Variants in SGPP2 observed in about 807,000 individuals in gnomAD.
SGPP2 encodes sphingosine-1-phosphate phosphatase 2, also known as sphingosine 1-phosphate phosphohydrolase 2.
In SGPP2, 30 loss-of-function variants were observed where a neutral mutation model predicts 33.9. The observed-to-expected ratio is 0.89, with a 90% CI of 0.66 to 1.20. The LOEUF (loss-of-function observed/expected upper bound fraction) is 1.20, where lower values mean the gene tolerates loss of function less well. Ranked by LOEUF, SGPP2 falls within the 50% of genes most tolerant of loss-of-function variation. The pLI, the probability that SGPP2 is intolerant of heterozygous loss-of-function variation, is 0.00. For synonymous variants in SGPP2, 233 were observed against 225.0 expected (o/e 1.04, Z -0.32); for missense variants, 458 against 532.1 (o/e 0.86, Z 1.37).
At chr2:222,536,680 C>T (rs955652429) in intron 4 of SGPP2, among the ~76,000 whole-genome samples, 5 of 149,860 alleles carry the variant, frequency 3.3e-5, no homozygotes, top group South Asian at 2.1e-4. Flanking sequence ...ACTCTGTCTC[C>T]AAAAAAAATA....
In SGPP2 at chr2:222,477,286, GGTGTGTATAT is replaced by G. The variant is rs1235923731; in HGVS notation, c.378+2571_378+2580del. 1.4e-5 allele frequency among the ~76,000 whole-genome samples: 2 copies of G among 146,358 alleles called. No homozygotes were observed. The highest frequency in any genetic ancestry group is 5.1e-5 in the African/African-American group (2 of 39,310). On this transcript the variant is annotated intron_variant, in intron 2 of 4. Transcript: ENST00000321276. This position sits in a 1 kb window ranked among gnomAD's most constrained non-coding sequence, Gnocchi z 6.0. ...ATAGGTGTATATGTATGTGTGTATGGGTGTGTATATGTGTGTATATAGGTGTGAGTATATA... is the reference window on the plus strand; with the variant it reads ...ATAGGTGTATATGTATGTGTGTATGGGTGTGTATATAGGTGTGAGTATATA...
In SGPP2 at chr2:222,559,248, G is replaced by A. The variant is rs1318971260; in HGVS notation, c.*350G>A. 1.2e-5 allele frequency: 3 copies of A among 247,654 alleles called. No individual in the cohort carries two copies. The highest frequency in any genetic ancestry group is 5.0e-5 in the Admixed American group (1 of 19,846). 15.3% of individuals were successfully genotyped at this position (247,654 alleles called of 1,614,324 possible). ...ATGGGCTGGCAGGAATTGTGGCCTG[G>A]CTTAGGAATAGCTATGAGCCCCACT... On this transcript the variant is annotated 3_prime_UTR_variant, in exon 5 of 5. Transcript: ENST00000321276.
At chr2:222,454,879 G>A (rs1283295996) in intron 1 of SGPP2, among the ~76,000 whole-genome samples, 1 of 152,138 alleles carries the variant, frequency 6.6e-6, no homozygotes, top group Admixed American at 6.6e-5. Flanking sequence ...TAACCAGAAT[G>A]TGTGCTAATG....
intron 1 of SGPP2, among the ~76,000 whole-genome samples, chr2:222,473,302 T>A (rs1697876899): frequency 6.6e-6 from 1 of 152,210 alleles, no homozygotes; most frequent in Non-Finnish European, 1.5e-5. Context: ...AGAATCTGAC[T>A]CCTTGCTTTC....
chr2:222,500,678 C>T (rs1283631307), intron 2 of SGPP2, among the ~76,000 whole-genome samples: 1 of 152,190 alleles, frequency 6.6e-6, no homozygotes, highest in Non-Finnish European at 1.5e-5. Flanking sequence ...GGCACCCTCA[C>T]TGAAAACTGG....
chr2:222,439,220 A>G (rs762703945), intron 1 of SGPP2, among the ~76,000 whole-genome samples: 3 of 152,062 alleles, frequency 2.0e-5, no homozygotes, highest in Non-Finnish European at 2.9e-5. Context: ...CTCCTTGGGG[A>G]AGGATGGGAG....
At chr2:222,442,550 ATTCATC>A (rs1333301475) in intron 1 of SGPP2, among the ~76,000 whole-genome samples, 1 of 152,108 alleles carries the variant, frequency 6.6e-6, no homozygotes, top group Non-Finnish European at 1.5e-5. Flanking sequence ...TAATTGTGTA[ATTCATC>A]TTCATGTCTG....
chr2:222,547,231 G>A (rs1689218338), intron 4 of SGPP2, among the ~76,000 whole-genome samples: 1 of 152,140 alleles, frequency 6.6e-6, no homozygotes, highest in Non-Finnish European at 1.5e-5. Context: ...TCGCTTGAAT[G>A]TTTGACAGTG....
At chr2:222,538,384 T>C (rs1698944856) in intron 4 of SGPP2, among the ~76,000 whole-genome samples, 1 of 152,030 alleles carries the variant, frequency 6.6e-6, no homozygotes, top group Admixed American at 6.6e-5. Flanking sequence ...TGTAGAGAAA[T>C]AAAAAATAAA....
chr2:222,514,508 T>C (rs958845447), intron 2 of SGPP2, among the ~76,000 whole-genome samples: 1 of 152,222 alleles, frequency 6.6e-6, no homozygotes, highest in Non-Finnish European at 1.5e-5. Context: ...GGCTAGTTCT[T>C]GATAAAGTTC....
At chr2:222,520,266 T>C (rs1698663046) in intron 2 of SGPP2, among the ~76,000 whole-genome samples, 1 of 152,176 alleles carries the variant, frequency 6.6e-6, no homozygotes. Flanking sequence ...CTCTGATGAT[T>C]TGTGATGCTG....
At chr2:222,489,655 T>C (rs982506856) in intron 2 of SGPP2, among the ~76,000 whole-genome samples, 1 of 152,100 alleles carries the variant, frequency 6.6e-6, no homozygotes, top group Non-Finnish European at 1.5e-5. Flanking sequence ...TCTTTAACAC[T>C]GAAAGGATTA....
chr2:222,432,209 C>A (rs1364730056), intron 1 of SGPP2, among the ~76,000 whole-genome samples: 2 of 152,114 alleles, frequency 1.3e-5, no homozygotes, highest in Non-Finnish European at 2.9e-5. Flanking sequence ...ATGGAGGGAG[C>A]CCAGTGGTGA....
At chr2:222,450,199 G>A (rs1352590427) in intron 1 of SGPP2, among the ~76,000 whole-genome samples, 2 of 152,136 alleles carry the variant, frequency 1.3e-5, no homozygotes, top group Non-Finnish European at 2.9e-5. Context: ...AGCACCCCAC[G>A]TTATTTACTA....
rs534675382 is a variant in SGPP2 at position 222,458,033 on chromosome 2, C to G, written c.220-16535C>G. On this transcript the variant is annotated intron_variant, in intron 1 of 4. Coordinates refer to ENST00000321276, the MANE Select transcript of SGPP2 (RefSeq NM_152386.4). ...CTAGGAGCCGATGACCATTAAGTGT[C>G]TCTTTGTGTTTTTTGTTTTGTTTTT... 3.9e-5 allele frequency among the ~76,000 whole-genome samples: 6 copies of G among 152,108 alleles called. No individual in the cohort carries two copies. In the South Asian group the frequency reaches 1.2e-3, roughly 32 times the overall value.
intron 2 of SGPP2, among the ~76,000 whole-genome samples, chr2:222,518,047 G>C (rs1698632451): frequency 6.6e-6 from 1 of 152,168 alleles, no homozygotes; most frequent in Non-Finnish European, 1.5e-5. Flanking sequence ...TACAAGGCTT[G>C]GCTCATCATA....
At chr2:222,502,101 T>G (rs1698376293) in intron 2 of SGPP2, among the ~76,000 whole-genome samples, 1 of 152,184 alleles carries the variant, frequency 6.6e-6, no homozygotes, top group Non-Finnish European at 1.5e-5. Flanking sequence ...TAGAACTGAT[T>G]TTGTAAAATA....
At chr2:222,513,307 T>A (rs1489331792) in intron 2 of SGPP2, among the ~76,000 whole-genome samples, 1 of 152,232 alleles carries the variant, frequency 6.6e-6, no homozygotes, top group African/African-American at 2.4e-5. Flanking sequence ...TTCTTTTTTC[T>A]TAAAGCATGA....
intron 4 of SGPP2, among the ~76,000 whole-genome samples, chr2:222,529,089 A>G (rs1026133856): frequency 6.6e-6 from 1 of 152,222 alleles, no homozygotes; most frequent in Non-Finnish European, 1.5e-5. Flanking sequence ...TTTCAAAATT[A>G]GAGTTAATTC....
Sources: allele counts gnomAD v4.1 joint callset (sites outside exome capture counted in the v4.1 genomes callset), GRCh38; gene constraint gnomAD v4.1.1; non-coding constraint Gnocchi (gnomAD v3.1); transcripts MANE v1.5; gene names NCBI Gene and HGNC (gene_info 2026-07-23, HGNC 2026-07-21).